FRMPD3: variants seen among roughly 807,000 people sequenced by gnomAD.
FRMPD3 encodes the protein FERM and PDZ domain-containing protein 3.
FRMPD3 carries 42 observed loss-of-function variants against 97.9 expected under a neutral mutation model. That is an observed-to-expected ratio of 0.43 (90% CI 0.34 to 0.55). The LOEUF is 0.55. Ranked by LOEUF, FRMPD3 falls within the 20% of genes least tolerant of loss-of-function variation. The pLI is 0.03. For missense variants in FRMPD3, 1,303 were observed against 1,457.7 expected (o/e 0.89, Z 1.73); for synonymous variants, 577 against 581.1 (o/e 0.99, Z 0.10).
chrX:107,487,288 A>G (rs1431085610), intron 1 of FRMPD3, among the ~76,000 whole-genome samples: 1 of 111,081 alleles, frequency 9.0e-6, no homozygotes, highest in Non-Finnish European at 1.9e-5. Context: ...AATAATTATC[A>G]AAAAGAAATG....
At chrX:107,458,388 G>A (rs1384260172) in intron 1 of FRMPD3, among the ~76,000 whole-genome samples, 1 of 112,454 alleles carries the variant, frequency 8.9e-6, no homozygotes, top group Non-Finnish European at 1.9e-5. Context: ...CACTGTAGGG[G>A]TTCAAAGCAC....
intron 1 of FRMPD3, among the ~76,000 whole-genome samples, chrX:107,461,451 C>G (rs1931470146): frequency 9.0e-6 from 1 of 110,757 alleles, no homozygotes; most frequent in Non-Finnish European, 1.9e-5. Context: ...GGCAGTTCAT[C>G]TCTCACAGGT....
At chrX:107,553,682 A>G (rs1170832967) in intron 7 of FRMPD3, among the ~76,000 whole-genome samples, 1 of 111,509 alleles carries the variant, frequency 9.0e-6, no homozygotes, top group Non-Finnish European at 1.9e-5. Context: ...GGAAAGAGAG[A>G]TTCAAGTTTA....
intron 13 of FRMPD3, among the ~76,000 whole-genome samples, chrX:107,581,141 T>G (rs369775271): frequency 5.4e-5 from 6 of 111,640 alleles, no homozygotes; most frequent in African/African-American, 1.9e-4. Flanking sequence ...AGAGTCTCAC[T>G]GTTGTTGCCC....
At chrX:107,463,428 G>A (rs993929935) in intron 1 of FRMPD3, among the ~76,000 whole-genome samples, 4 of 112,303 alleles carry the variant, frequency 3.6e-5, no homozygotes, top group Non-Finnish European at 7.5e-5. Flanking sequence ...TAACCTCTCT[G>A]AGACCCAGTT....
At chrX:107,462,067 A>G (rs1410253830) in intron 1 of FRMPD3, among the ~76,000 whole-genome samples, 7 of 110,867 alleles carry the variant, frequency 6.3e-5, no homozygotes, top group Non-Finnish European at 1.3e-4. Context: ...CTTCCTGATT[A>G]TTCTAGCTCT....
chrX:107,598,629 G>A (rs1569430365), intron 14 of FRMPD3, among the ~76,000 whole-genome samples: 3 of 112,327 alleles, frequency 2.7e-5, no homozygotes, highest in African/African-American at 9.7e-5. Flanking sequence ...CAGATGCACC[G>A]AAGTCCTGGT....
At chrX:107,591,188 G>C (rs776658361) in intron 13 of FRMPD3, among the ~76,000 whole-genome samples, 16 of 90,818 alleles carry the variant, frequency 1.8e-4, no homozygotes, top group African/African-American at 6.7e-4. Flanking sequence ...ATGGCGTTTT[G>C]CTCTTGTTGC....
chrX:107,479,816 A>G (rs758274238), intron 1 of FRMPD3, among the ~76,000 whole-genome samples: 4 of 93,492 alleles, frequency 4.3e-5, no homozygotes, highest in Non-Finnish European at 2.1e-5. Context: ...ATTTTATATT[A>G]TGTATATTTT....
At chrX:107,585,043 C>T (rs996683196) in intron 13 of FRMPD3, among the ~76,000 whole-genome samples, 1 of 111,700 alleles carries the variant, frequency 9.0e-6, no homozygotes, top group Non-Finnish European at 1.9e-5. Flanking sequence ...TCAGTATGGC[C>T]GTTTTCACAA....
At chrX:107,508,885 G>C (rs1178800884) in intron 1 of FRMPD3, among the ~76,000 whole-genome samples, 2 of 111,963 alleles carry the variant, frequency 1.8e-5, no homozygotes, top group Non-Finnish European at 1.9e-5. Flanking sequence ...CAAGTGTCTG[G>C]TCTGCTGGCT....
In FRMPD3 at chrX:107,604,777, T is replaced by G; in HGVS notation, c.*1404T>G. ...GTTTCATCACTGTGTCAGAGGCCCA[T>G]GTGAAATCTTTCATTCTGATGTGAG... On this transcript the variant is annotated 3_prime_UTR_variant, in exon 15 of 15. Coordinates refer to ENST00000683843, the MANE Select transcript of FRMPD3 (RefSeq NM_001388459.1). The G allele has an allele frequency of 9.0e-6, 1 of 111,340 alleles. No individual in the cohort carries two copies. Among genetic ancestry groups the G allele is most frequent in the Non-Finnish European group, 1.9e-5 (1 of 53,090 alleles). 9.2% of individuals were successfully genotyped at this position (111,340 alleles called of 1,213,427 possible). A position where few individuals can be genotyped will look rare whatever the true frequency, so the allele number is the denominator to read the frequency against.
intron 1 of FRMPD3, chrX:107,513,028 G>A (rs1464890869): frequency 8.9e-6 from 1 of 112,448 alleles, no homozygotes; most frequent in African/African-American, 3.2e-5. Context: ...TCAGGAGGGA[G>A]GAGGGGACAG....
intron 8 of FRMPD3, among the ~76,000 whole-genome samples, chrX:107,556,830 A>G (rs1158328734): frequency 8.9e-6 from 1 of 112,271 alleles, no homozygotes; most frequent in East Asian, 2.8e-4. Flanking sequence ...GTAGTATTTC[A>G]TGGTGTGGAT....
At chrX:107,599,348 C>T (rs1480711559) in intron 14 of FRMPD3, among the ~76,000 whole-genome samples, 1 of 111,562 alleles carries the variant, frequency 9.0e-6, no homozygotes. Flanking sequence ...ATAGGGACCA[C>T]GAGGGATTGG....
intron 1 of FRMPD3, among the ~76,000 whole-genome samples, chrX:107,471,465 A>G (rs1460803139): frequency 9.1e-6 from 1 of 110,347 alleles, no homozygotes; most frequent in African/African-American, 3.3e-5. Context: ...CCATCCCCCC[A>G]ACAGGCCCTG....
chrX:107,591,751 T>C (rs1377364627), intron 13 of FRMPD3, among the ~76,000 whole-genome samples: 1 of 111,573 alleles, frequency 9.0e-6, no homozygotes, highest in Non-Finnish European at 1.9e-5. Flanking sequence ...GCCTTTATTT[T>C]TGTTTTGTTT....
Position 107,601,063 on chromosome X carries a change from G to T in FRMPD3, c.3024G>T (p.Lys1008Asn). 1 of 1,207,544 alleles carries T rather than the reference G, an allele frequency of 8.3e-7. No homozygotes were observed. The highest frequency in any genetic ancestry group is 1.1e-6 in the Non-Finnish European group (1 of 893,853). The change falls in exon 15 of 15, where the codon AAG becomes AAT. Residue 1008 changes from lysine to asparagine, a missense_variant. Lys to Asn is a moderately conservative substitution (Grantham distance 94, BLOSUM62 0). Transcript: ENST00000683843. Reference protein sequence around the residue: ...MMSSSASKNLKFKISPSAPET... With the variant: ...MMSSSASKNLNFKISPSAPET... ...GCAGCAGTGCCAGTAAGAATCTGAA[G>T]TTCAAAATTAGCCCCAGTGCTCCAG... is the stretch of plus-strand genomic sequence containing the variant.
intron 1 of FRMPD3, among the ~76,000 whole-genome samples, chrX:107,512,646 C>G (rs5962401): frequency 0.016 from 1,763 of 111,488 alleles, 43 homozygotes; most frequent in African/African-American, 0.055. Context: ...TCAGTCAATC[C>G]CTATATATCT....
Sources: allele counts gnomAD v4.1 joint callset (sites outside exome capture counted in the v4.1 genomes callset), GRCh38; gene constraint gnomAD v4.1.1; transcripts MANE v1.5; gene names NCBI Gene and HGNC (gene_info 2026-07-23, HGNC 2026-07-21).